Variants in OGG1 observed in about 807,000 individuals in gnomAD.
OGG1 encodes N-glycosylase/DNA lyase.
OGG1 carries 35 observed loss-of-function variants against 42.3 expected under a neutral mutation model. That is an observed-to-expected ratio of 0.83 (90% confidence interval 0.63 to 1.10). OGG1 has a LOEUF of 1.10. Among genes scored for constraint, OGG1 ranks in the 50% least tolerant of loss-of-function variants. The pLI is 0.00. For synonymous variants in OGG1, 189 were observed against 179.0 expected, an observed-to-expected ratio of 1.06 and a Z score of -0.44; for missense variants, 484 against 446.7, an observed-to-expected ratio of 1.08 and a Z score of -0.75.
downstream of OGG1, chr3:9,767,870 C>T: frequency 6.9e-7 from 1 of 1,458,180 alleles, no homozygotes; most frequent in Non-Finnish European, 9.1e-7. Flanking sequence ...ATTCAACCTG[C>T]ATTTATTCAT....
intron 7 of OGG1, chr3:9,763,274 A>T: frequency 6.2e-7 from 1 of 1,603,108 alleles, no homozygotes; most frequent in East Asian, 2.2e-5. Context: ...AGTCCAAGCT[A>T]CTTGGGAACT....
downstream of OGG1, chr3:9,767,650 T>C (rs369558770): frequency 2.7e-5 from 43 of 1,613,604 alleles, no homozygotes; most frequent in Non-Finnish European, 3.4e-5. Flanking sequence ...CAGCACCCAA[T>C]CCTGCCCTGG....
At chr3:9,781,345 T>A (rs1031457355) in intron 2 of OGG1, among the ~76,000 whole-genome samples, 2 of 149,072 alleles carry the variant, frequency 1.3e-5, no homozygotes, top group African/African-American at 2.4e-5. Context: ...ACTCTCTCTC[T>A]CTGTCTTTCA....
chr3:9,777,657 T>C (rs1412916231), intron 2 of OGG1, among the ~76,000 whole-genome samples: 1 of 152,186 alleles, frequency 6.6e-6, no homozygotes, highest in African/African-American at 2.4e-5. Context: ...GTTTCTTCTC[T>C]GGTGAACCAG....
In OGG1 at chr3:9,751,967, C is replaced by G. The variant is rs56276978; in HGVS notation, c.565+18C>G. 2 of 1,611,882 alleles carry G rather than the reference C, an allele frequency of 1.2e-6. No homozygotes were observed. The highest frequency in any genetic ancestry group is 2.2e-5 in the South Asian group (2 of 91,042). On this transcript the variant is annotated intron_variant, in intron 3 of 6. Coordinates refer to ENST00000344629, the MANE Select transcript of OGG1 (RefSeq NM_002542.6). ...CCTGGCTGGTGAGTAGGTGGGTCCC[C>G]TGCCCCCAGGCCTTCCATCAGCTTT... is the stretch of plus-strand genomic sequence containing the variant.
In OGG1 at chr3:9,754,890, G is replaced by A. The variant is rs2077466438; in HGVS notation, c.747+5G>A. On this transcript the variant is annotated splice_donor_5th_base_variant and intron_variant, in intron 4 of 6. Coordinates refer to ENST00000344629, the MANE Select transcript of OGG1 (RefSeq NM_002542.6). ...CTGCCTGGAGTGGGCACCAAGGTGA[G>A]GCCCCAGGGGGTAGGAGCTGCCCTC... is the stretch of plus-strand genomic sequence containing the variant. The A allele has an allele frequency of 6.3e-7, 1 of 1,581,704 alleles. No homozygotes were observed. Among genetic ancestry groups the A allele is most frequent in the Non-Finnish European group, 8.6e-7 (1 of 1,162,848 alleles).
chr3:9,789,391 C>T (rs967577616), downstream of OGG1: 2 of 905,510 alleles, frequency 2.2e-6, no homozygotes. Context: ...ATGGAGCAGA[C>T]AGCAGACTGG....
At chr3:9,780,742 A>C (rs896580893) in intron 2 of OGG1, among the ~76,000 whole-genome samples, 2 of 152,058 alleles carry the variant, frequency 1.3e-5, no homozygotes, top group African/African-American at 2.4e-5. Context: ...ATATTAACTC[A>C]TGTTGATCAC....
intron 3 of OGG1, among the ~76,000 whole-genome samples, chr3:9,784,718 A>G (rs2078564432): frequency 6.6e-6 from 1 of 151,990 alleles, no homozygotes; most frequent in Non-Finnish European, 1.5e-5. Context: ...TACAAAAATG[A>G]GCCATACATG....
At chr3:9,770,145 C>G (rs1262188002), downstream of OGG1, among the ~76,000 whole-genome samples, 2 of 152,178 alleles carry the variant, frequency 1.3e-5, no homozygotes, top group African/African-American at 2.4e-5. Flanking sequence ...TGGTCTTAAG[C>G]GGGGTCCATT....
downstream of OGG1, chr3:9,761,626 C>G (rs370403231): frequency 2.5e-6 from 4 of 1,614,126 alleles, no homozygotes; most frequent in Admixed American, 5.0e-5. Context: ...CAGGGCCCTC[C>G]GCACCCACGT....
intron 3 of OGG1, chr3:9,787,701 CT>C: frequency 7.6e-7 from 1 of 1,321,746 alleles, no homozygotes; most frequent in Non-Finnish European, 9.9e-7. Context: ...CTTGAATTTA[CT>C]GCTGTCTGTA....
At position 9,750,411 on chromosome 3, in the gene OGG1, G is replaced by C; in HGVS notation, c.125G>C (p.Gly42Ala). The C allele has an allele frequency of 6.2e-7, 1 of 1,613,944 alleles. No individual in the cohort carries two copies. Among genetic ancestry groups the C allele is most frequent in the Non-Finnish European group, 8.5e-7 (1 of 1,180,022 alleles). Residue 42 changes from glycine (G) to alanine (A), a missense_variant, in exon 1 of 7, where the codon GGA (glycine) becomes GCA (alanine). Gly to Ala is a moderately conservative substitution (Grantham distance 60). Coordinates refer to ENST00000344629, the MANE Select transcript of OGG1 (RefSeq NM_002542.6). The stretch of plus-strand genomic sequence containing the variant: ...CGCCTGGACCTGGTTCTGCCTTCTG[G>C]ACAATCTTTCCGGTGAGTGACTGAG... ...ELRLDLVLPS[G>A]QSFRWREQSP... is the part of the protein sequence containing the mutation.
At chr3:9,761,041 C>T (rs1038495652), downstream of OGG1, 4 of 439,236 alleles carry the variant, frequency 9.1e-6, no homozygotes, top group Admixed American at 7.5e-5. Context: ...CTGGCTCCCT[C>T]ACCACTCGGT....
intron 3 of OGG1, chr3:9,787,531 C>T: frequency 1.0e-6 from 1 of 1,003,490 alleles, no homozygotes; most frequent in South Asian, 1.7e-5. Flanking sequence ...GAGACAGGTC[C>T]AAAAAGAACT....
chr3:9,754,797 G>T lies in OGG1; in HGVS notation c.659G>T (p.Gly220Val). 6.2e-7 allele frequency: 1 copy of T among 1,613,746 alleles called. No individual in the cohort carries two copies. Among genetic ancestry groups the T allele is most frequent in the Non-Finnish European group, 8.5e-7 (1 of 1,179,862 alleles). ...ASARAILEEQ[G>V]GLAWLQQLRE... Reference sequence around the variant, plus strand: ...GCCCGAGCCATCCTGGAAGAACAGGGCGGGCTAGCCTGGCTGCAGCAGCTA... The same window carrying T: ...GCCCGAGCCATCCTGGAAGAACAGGTCGGGCTAGCCTGGCTGCAGCAGCTA... The change falls in exon 4 of 7, where the codon GGC becomes GTC. Residue 220 changes from glycine to valine, a missense_variant. By Grantham distance (109) the Gly-to-Val change is moderately radical. Transcript: ENST00000344629.
At chr3:9,786,463 T>C (rs528610130) in intron 3 of OGG1, among the ~76,000 whole-genome samples, 107 of 151,884 alleles carry the variant, frequency 7.0e-4, no homozygotes, top group African/African-American at 2.3e-3. Flanking sequence ...GGTGAAAGAG[T>C]GTGAGGGTGT....
At chr3:9,789,705 C>T (rs780299109), downstream of OGG1, 195 of 1,611,532 alleles carry the variant, frequency 1.2e-4, no homozygotes, top group Non-Finnish European at 8.9e-5. Context: ...TGTTCTCTAG[C>T]CCAGAACCTG....
At position 9,757,327 on chromosome 3, in the gene OGG1, G is replaced by C. The variant is rs748222568; in HGVS notation, c.*177G>C. On this transcript the variant is annotated 3_prime_UTR_variant, in exon 7 of 7. Transcript: ENST00000344629. The surrounding 1 kb of genome is among the most constrained non-coding windows in gnomAD (Gnocchi z 4.5). ...ACAACAAGATGGGGTGGGGGATATT[G>C]AGGGAGACAGCGCTAAGGATGGTTT... is the stretch of plus-strand genomic sequence containing the variant. 3 of 1,614,190 alleles carry C rather than the reference G, an allele frequency of 1.9e-6. No individual in the cohort carries two copies. The South Asian group carries it at 3.3e-5, about 18-fold the overall frequency.
Sources: allele counts gnomAD v4.1 joint callset (sites outside exome capture counted in the v4.1 genomes callset), GRCh38; gene constraint gnomAD v4.1.1; non-coding constraint Gnocchi (gnomAD v3.1); transcripts MANE v1.5; gene names NCBI Gene and HGNC (gene_info 2026-07-23, HGNC 2026-07-21).